WDR47: variants seen among roughly 807,000 people sequenced by gnomAD.
WDR47 encodes WD repeat-containing protein 47.
WDR47 carries 32 observed loss-of-function variants against 97.2 expected under a neutral mutation model. That is an observed-to-expected ratio of 0.33 (90% CI 0.25 to 0.44). The LOEUF (loss-of-function observed/expected upper bound fraction) is 0.44. Among genes scored for constraint, WDR47 ranks in the 20% least tolerant of loss-of-function variants. WDR47 has a pLI of 1.00. For missense variants in WDR47, 782 were observed against 1,102.3 expected (o/e 0.71, Z 4.11); for synonymous variants, 375 against 373.5 (o/e 1.00, Z -0.05).
chr1:108,992,240 A>G, intron 8 of WDR47: 1 of 858,078 alleles, frequency 1.2e-6, no homozygotes, highest in Non-Finnish European at 2.0e-6. Flanking sequence ...ATATGATGGT[A>G]GAAAAAAGTA....
At position 109,009,498 on chromosome 1, in the gene WDR47, T is replaced by C. The variant is rs1343096071; in HGVS notation, c.1130+1418A>G. On this transcript the variant is annotated intron_variant, in intron 5 of 14. Coordinates refer to ENST00000369962, the MANE Select transcript of WDR47 (RefSeq NM_001142551.2). ...TCTAGTTGTTCACTACACTACTATGTACAGGAGAAAAAAAGTAGAAACAAC... is the reference window on the plus strand; with the variant it reads ...TCTAGTTGTTCACTACACTACTATGCACAGGAGAAAAAAAGTAGAAACAAC... Among the ~76,000 whole-genome samples, 5 of 152,200 alleles carry C rather than the reference T, an allele frequency of 3.3e-5. No homozygotes were observed. In the South Asian group the frequency reaches 6.2e-4, roughly 19 times the overall value.
chr1:109,027,464 G>T (rs1402527443), intron 1 of WDR47, among the ~76,000 whole-genome samples: 1 of 152,032 alleles, frequency 6.6e-6, no homozygotes, highest in East Asian at 1.9e-4. Context: ...TAACTCCCTT[G>T]TATTACTGAA....
At chr1:109,012,134 C>T (rs554179806) in intron 4 of WDR47, among the ~76,000 whole-genome samples, 2 of 152,028 alleles carry the variant, frequency 1.3e-5, no homozygotes, top group Non-Finnish European at 2.9e-5. Context: ...AATTTTTTAA[C>T]GGTAAGAATT....
chr1:109,037,771 CAT>C (rs1382398550), intron 1 of WDR47, among the ~76,000 whole-genome samples: 1 of 151,820 alleles, frequency 6.6e-6, no homozygotes, highest in Non-Finnish European at 1.5e-5. Flanking sequence ...ATTTGAGTTA[CAT>C]ATGTCAAGCA....
chr1:109,002,071 T>C (rs781043812), intron 7 of WDR47, among the ~76,000 whole-genome samples, 153 bp downstream of exon 7: 1 of 152,024 alleles, frequency 6.6e-6, no homozygotes, highest in East Asian at 1.9e-4. Context: ...GCCCTCGGAA[T>C]GCTGTGACTA....
At chr1:108,975,536 G>A (rs547834986) in intron 13 of WDR47, among the ~76,000 whole-genome samples, 17 of 151,718 alleles carry the variant, frequency 1.1e-4, no homozygotes, top group South Asian at 2.1e-4. Context: ...CAGGAGAATC[G>A]CTTCAACCTG....
chr1:108,991,462 C>A (rs1571167536), intron 8 of WDR47, 133 bp from the exon 9 acceptor site: 3 of 646,606 alleles, frequency 4.6e-6, no homozygotes, highest in Admixed American at 5.8e-5. Context: ...TCTCTGGAGA[C>A]ATTTATTAAA....
chr1:109,035,809 G>A (rs987869332), intron 1 of WDR47, among the ~76,000 whole-genome samples: 9 of 150,530 alleles, frequency 6.0e-5, no homozygotes, highest in Middle Eastern at 3.5e-3. Context: ...TTTTAATTTT[G>A]TATCTTCTTT....
chr1:109,020,405 C>A (rs1661747103), intron 2 of WDR47, among the ~76,000 whole-genome samples: 1 of 151,760 alleles, frequency 6.6e-6, no homozygotes, highest in Non-Finnish European at 1.5e-5. Flanking sequence ...GGACTACAGG[C>A]ACCCGCCACC....
chr1:108,994,143 A>G (rs1461835002), intron 8 of WDR47, among the ~76,000 whole-genome samples: 1 of 152,124 alleles, frequency 6.6e-6, no homozygotes, highest in Non-Finnish European at 1.5e-5. Context: ...CATGCCTGTA[A>G]CTCCAGCACT....
intron 7 of WDR47, among the ~76,000 whole-genome samples, chr1:108,998,644 T>C (rs1377140640): frequency 6.6e-6 from 1 of 152,132 alleles, no homozygotes; most frequent in Non-Finnish European, 1.5e-5. Flanking sequence ...TCAAGAGGTA[T>C]AAAGTAATGA....
rs933131663 is a variant in WDR47, at chr1:108,991,336, G to C, written c.1692-7C>G. 1 of 1,606,984 alleles carries C rather than the reference G, an allele frequency of 6.2e-7. No individual in the cohort carries two copies. The highest frequency in any genetic ancestry group is 8.5e-7 in the Non-Finnish European group (1 of 1,175,460). On this transcript the variant is annotated splice_polypyrimidine_tract_variant and splice_region_variant and intron_variant, in intron 8 of 14. Coordinates refer to ENST00000369962, the MANE Select transcript of WDR47 (RefSeq NM_001142551.2). ...GACCGAATGTTCTGAAGAGCTGTGG[G>C]AGTAGAAATTCAAGTAAAGTTTACT... is the stretch of plus-strand genomic sequence containing the variant.
intron 1 of WDR47, among the ~76,000 whole-genome samples, chr1:109,035,174 T>C (rs1227289720): frequency 7.0e-6 from 1 of 142,250 alleles, no homozygotes; most frequent in African/African-American, 2.6e-5. Context: ...TGAGTCTGGG[T>C]GGTTGAGGCT....
chr1:109,005,459 A>C (rs1206902276), intron 5 of WDR47, among the ~76,000 whole-genome samples: 3 of 152,136 alleles, frequency 2.0e-5, no homozygotes, highest in Non-Finnish European at 4.4e-5. Flanking sequence ...CTGTACACAA[A>C]TCGATTTTTT....
intron 1 of WDR47, among the ~76,000 whole-genome samples, chr1:109,027,719 T>C (rs1034472466): frequency 6.6e-6 from 1 of 151,946 alleles, no homozygotes; most frequent in Admixed American, 6.6e-5. Flanking sequence ...AGATGGGGTT[T>C]CACCATCTTG....
chr1:109,014,746 C>CT (rs1268710768), intron 3 of WDR47, among the ~76,000 whole-genome samples: 2 of 152,084 alleles, frequency 1.3e-5, no homozygotes, highest in Non-Finnish European at 2.9e-5. Context: ...CAATTTAAAG[C>CT]TTTTTAACAA....
At chr1:109,007,283 T>C (rs1288121845) in intron 5 of WDR47, among the ~76,000 whole-genome samples, 2 of 150,920 alleles carry the variant, frequency 1.3e-5, no homozygotes, top group Non-Finnish European at 2.9e-5. Context: ...TCATGTTGCA[T>C]ACTTAGCATA....
At chr1:109,022,566 T>C (rs920302444) in intron 2 of WDR47, among the ~76,000 whole-genome samples, 2 of 152,168 alleles carry the variant, frequency 1.3e-5, no homozygotes, top group African/African-American at 4.8e-5. Flanking sequence ...GAAAGCATTA[T>C]TTTGTAAATG....
rs1003071895 is a variant in WDR47 at position 109,035,311 on chromosome 1, G to A, written c.-10+6551C>T. Among the ~76,000 whole-genome samples the A allele has an allele frequency of 4.6e-5, 7 of 151,296 alleles. No homozygotes were observed. In the East Asian group the frequency reaches 1.4e-3, roughly 29 times the overall value. On this transcript the variant is annotated intron_variant, in intron 1 of 14. Coordinates refer to ENST00000369962, the MANE Select transcript of WDR47 (RefSeq NM_001142551.2). ...GGAATGTTGCATGCCAAACTGTTCA[G>A]TGTGATTATCTCTGAAGAAAGGCAT...
Sources: gnomAD v4.1 joint callset for allele counts (sites outside exome capture counted in the v4.1 genomes callset) on GRCh38, gnomAD v4.1.1 for gene constraint, MANE v1.5 for transcripts, NCBI Gene and HGNC (gene_info 2026-07-23, HGNC 2026-07-21) for gene names.